GLRA2: variants seen among roughly 807,000 people sequenced by gnomAD.
The protein encoded by GLRA2 is glycine receptor alpha 2, also known as glycine receptor subunit alpha-2.
A neutral mutation model predicts 31.6 loss-of-function variants in GLRA2; 11 were observed. The ratio of observed to expected loss-of-function variants is 0.35; its 90% CI spans 0.22 to 0.58. The LOEUF (loss-of-function observed/expected upper bound fraction) is 0.58, where lower values mean the gene tolerates loss of function less well. Among genes scored for constraint, GLRA2 ranks in the 20% least tolerant of loss-of-function variants. The probability of loss-of-function intolerance (pLI) is 0.84; values close to 1 mark genes in which losing one functional copy is unlikely to be tolerated. For missense variants in GLRA2, 212 were observed against 351.8 expected, an observed-to-expected ratio of 0.60 and a Z score of 3.18; for synonymous variants, 132 against 134.0, an observed-to-expected ratio of 0.99 and a Z score of 0.10.
In GLRA2 at chrX:14,530,097, G is replaced by T; in HGVS notation, c.40G>T (p.Ala14Ser). 1 of 1,198,686 alleles carries T rather than the reference G, an allele frequency of 8.3e-7. No individual in the cohort carries two copies. Among genetic ancestry groups the T allele is most frequent in the Non-Finnish European group, 1.1e-6 (1 of 883,662 alleles). ...AGTGAACATTTTGACAGCCTTGTTT[G>T]CATTTTTCTTAGAGACAAACCACTT... ...QLVNILTALF[A>S]FFLETNHFRT... is the part of the protein sequence containing the mutation. The change falls in exon 1 of 9, where the codon GCA (alanine) becomes TCA (serine). Residue 14 changes from alanine (A) to serine (S), a missense_variant. Coordinates refer to ENST00000218075, the MANE Select transcript of GLRA2 (RefSeq NM_002063.4).
At position 14,581,401 on chromosome X, in the gene GLRA2, T is replaced by C. The variant is rs772586541; in HGVS notation, c.489T>C (p.Ser163=). The part of the protein sequence containing the change: ...RISKNGKVLY[S]IRLTLTLSCP... ...CGAAAAATGGCAAAGTGCTCTACAG[T>C]ATCAGGTAAGCCTCCATTGGCTGCA... is the stretch of plus-strand genomic sequence containing the variant. The change falls in exon 4 of 9, where the codon AGT becomes AGC. Residue 163 remains serine (S), a synonymous_variant. Transcript: ENST00000218075. 2 of 1,122,351 alleles carry C rather than the reference T, an allele frequency of 1.8e-6. No homozygotes were observed. The highest frequency in any genetic ancestry group is 2.2e-5 in the Admixed American group (1 of 45,969). 92.5% of individuals were successfully genotyped at this position (1,122,351 alleles called of 1,213,427 possible). A position where few individuals can be genotyped will look rare whatever the true frequency, so the allele number is the denominator to read the frequency against.
chrX:14,685,187 G>A (rs1367972170), intron 7 of GLRA2, among the ~76,000 whole-genome samples: 1 of 111,672 alleles, frequency 9.0e-6, no homozygotes, highest in Non-Finnish European at 1.9e-5. Flanking sequence ...TGGTGGGTAA[G>A]CTTTTTGATG....
At chrX:14,690,143 T>C (rs188901637) in intron 7 of GLRA2, among the ~76,000 whole-genome samples, 97 of 112,029 alleles carry the variant, frequency 8.7e-4, no homozygotes, top group African/African-American at 2.9e-3. Flanking sequence ...ATATATAGTT[T>C]ATTTCTCATC....
chrX:14,491,048 C>G, the GLRA2 span, among the ~76,000 whole-genome samples: 1 of 111,673 alleles, frequency 9.0e-6, no homozygotes, highest in African/African-American at 3.3e-5. Flanking sequence ...AGGCTCAAGA[C>G]TGAGATTATA....
chrX:14,469,256 C>T, the GLRA2 span, among the ~76,000 whole-genome samples: 3 of 110,662 alleles, frequency 2.7e-5, no homozygotes, highest in African/African-American at 6.6e-5. Context: ...TATGTCCTGA[C>T]TGGTAATGCC....
At chrX:14,455,351 A>T in the GLRA2 span, among the ~76,000 whole-genome samples, 1 of 111,760 alleles carries the variant, frequency 8.9e-6, no homozygotes, top group African/African-American at 3.2e-5. Context: ...TTCAGAAAAC[A>T]TCTGGAAAAT....
intron 7 of GLRA2, among the ~76,000 whole-genome samples, chrX:14,687,008 A>G (rs1353966452): frequency 8.9e-6 from 1 of 111,878 alleles, no homozygotes; most frequent in Non-Finnish European, 1.9e-5. Context: ...TGTGGTGACA[A>G]AATCTCTCAA....
chrX:14,712,442 A>AT (rs1359203561), intron 8 of GLRA2, among the ~76,000 whole-genome samples: 1 of 111,149 alleles, frequency 9.0e-6, no homozygotes, highest in African/African-American at 3.3e-5. Flanking sequence ...CAAGTGCAGG[A>AT]TTTTGTCTTC....
chrX:14,601,797 C>G (rs935095273), intron 4 of GLRA2, among the ~76,000 whole-genome samples: 2 of 110,463 alleles, frequency 1.8e-5, no homozygotes, highest in African/African-American at 6.6e-5. Flanking sequence ...AAAAATGAAG[C>G]AGAGAAAGGA....
the GLRA2 span, among the ~76,000 whole-genome samples, chrX:14,515,180 C>A: frequency 9.0e-6 from 1 of 111,517 alleles, no homozygotes; most frequent in African/African-American, 3.3e-5. Context: ...CAGTTACCTT[C>A]CCTGAGTATA....
intron 7 of GLRA2, among the ~76,000 whole-genome samples, chrX:14,655,159 A>G (rs1250235630): frequency 8.9e-6 from 1 of 111,795 alleles, no homozygotes; most frequent in Non-Finnish European, 1.9e-5. Flanking sequence ...CAGGTGTAAT[A>G]TAGACACTGA....
intron 2 of GLRA2, among the ~76,000 whole-genome samples, chrX:14,532,865 T>G (rs766177046): frequency 1.8e-5 from 2 of 111,943 alleles, no homozygotes; most frequent in African/African-American, 3.2e-5. Flanking sequence ...AATTTTTTGT[T>G]CCTTTTTGTT....
At chrX:14,594,223 C>A (rs1446756717) in intron 4 of GLRA2, among the ~76,000 whole-genome samples, 3 of 111,524 alleles carry the variant, frequency 2.7e-5, no homozygotes, top group African/African-American at 9.8e-5. Context: ...ACGGTATCTG[C>A]AGTTCATAAG....
intron 7 of GLRA2, among the ~76,000 whole-genome samples, chrX:14,680,487 T>G (rs900223910): frequency 8.9e-6 from 1 of 112,266 alleles, no homozygotes; most frequent in Non-Finnish European, 1.9e-5. Context: ...AGGAATCTTG[T>G]AAGCCCAAGA....
At chrX:14,634,440 G>A (rs2090686781) in intron 7 of GLRA2, among the ~76,000 whole-genome samples, 1 of 111,977 alleles carries the variant, frequency 8.9e-6, no homozygotes, top group South Asian at 3.7e-4. Flanking sequence ...ATAAACCAAG[G>A]CAGAAATAAT....
chrX:14,693,246 T>C (rs187596912), intron 8 of GLRA2, among the ~76,000 whole-genome samples: 115 of 111,995 alleles, frequency 1.0e-3, no homozygotes, highest in Middle Eastern at 9.3e-3. Context: ...ACACCTATAA[T>C]ATAAAGATAG....
chrX:14,556,630 A>G (rs890785117), intron 2 of GLRA2, among the ~76,000 whole-genome samples: 4 of 112,256 alleles, frequency 3.6e-5, no homozygotes, highest in Admixed American at 9.4e-5. Flanking sequence ...TGTTACCACA[A>G]GCAAAGTGTT....
At chrX:14,613,908 G>A (rs1314002174) in intron 7 of GLRA2, among the ~76,000 whole-genome samples, 2 of 111,604 alleles carry the variant, frequency 1.8e-5, no homozygotes, top group Admixed American at 9.6e-5. Flanking sequence ...GACCTGGAAT[G>A]TACAAACGTG....
chrX:14,531,904 A>T (rs1203390725), intron 1 of GLRA2, among the ~76,000 whole-genome samples: 4 of 111,642 alleles, frequency 3.6e-5, no homozygotes, highest in Non-Finnish European at 7.6e-5. Flanking sequence ...ACATGAATTT[A>T]AAAAAATATC....
Sources: gnomAD v4.1 joint callset for allele counts (sites outside exome capture counted in the v4.1 genomes callset) on GRCh38, gnomAD v4.1.1 for gene constraint, MANE v1.5 for transcripts, NCBI Gene and HGNC (gene_info 2026-07-23, HGNC 2026-07-21) for gene names.